STIP1: variants seen among roughly 807,000 people sequenced by gnomAD.
STIP1 encodes stress induced phosphoprotein 1.
A neutral mutation model predicts 77.4 loss-of-function variants in STIP1; 16 were observed. That is an observed-to-expected ratio of 0.21 (90% confidence interval 0.14 to 0.31). The LOEUF (loss-of-function observed/expected upper bound fraction) is 0.31, where lower values mean the gene tolerates loss of function less well. Among genes scored for constraint, STIP1 ranks in the 10% least tolerant of loss-of-function variants. The pLI is 1.00. For missense variants in STIP1, 524 were observed against 684.8 expected (o/e 0.77, Z 2.62); for synonymous variants, 258 against 246.6 (o/e 1.05, Z -0.44).
At chr11:64,195,902 A>AC in intron 5 of STIP1, 89 bp downstream of exon 5, 1 of 1,563,624 alleles carries the variant, frequency 6.4e-7, no homozygotes. Context: ...ACCTTGATTG[A>AC]CCATGATTAT....
chr11:64,197,555 G>A lies in STIP1; in HGVS notation c.862G>A (p.Val288Met). Residue 288 changes from valine (V) to methionine (M), a missense_variant, in exon 7 of 14, where the codon GTG becomes ATG. By Grantham distance (21) the Val-to-Met change is conservative. Transcript: ENST00000305218. The part of the protein sequence containing the change: ...CRELCEKAIE[V>M]GRENREDYRQ... The stretch of plus-strand genomic sequence containing the variant: ...GGAGCTTTGTGAGAAGGCCATTGAA[G>A]TGGGGAGAGAAAACCGAGAAGACTA... 6.2e-7 allele frequency: 1 copy of A among 1,614,224 alleles called. No individual in the cohort carries two copies. The highest frequency in any genetic ancestry group is 8.5e-7 in the Non-Finnish European group (1 of 1,180,030).
Position 64,197,538 on chromosome 11 carries a change from G to C in STIP1, c.845G>C (p.Cys282Ser). 1 of 1,614,222 alleles carries C rather than the reference G, an allele frequency of 6.2e-7. No homozygotes were observed. Among genetic ancestry groups the C allele is most frequent in the Non-Finnish European group, 8.5e-7 (1 of 1,180,044 alleles). Reference sequence around the variant, plus strand: ...GACTACAATAAGTGCCGGGAGCTTTGTGAGAAGGCCATTGAAGTGGGGAGA... The same window carrying C: ...GACTACAATAAGTGCCGGGAGCTTTCTGAGAAGGCCATTGAAGTGGGGAGA... The part of the protein sequence containing the change: ...KGDYNKCREL[C>S]EKAIEVGREN... Residue 282 changes from cysteine (C) to serine (S), a missense_variant, in exon 7 of 14, where the codon TGT (cysteine) becomes TCT (serine). Transcript: ENST00000305218.
intron 8 of STIP1, among the ~76,000 whole-genome samples, chr11:64,198,691 ATTCT>A (rs1189914682): frequency 7.1e-6 from 1 of 140,778 alleles, no homozygotes; most frequent in African/African-American, 2.7e-5. Flanking sequence ...ATCTTACATG[ATTCT>A]TTCTCTGTCA....
At chr11:64,197,698 C>T (rs76252766) in intron 7 of STIP1, 103 bp downstream of exon 7, 17 of 1,556,672 alleles carry the variant, frequency 1.1e-5, no homozygotes, top group Non-Finnish European at 1.4e-5. Flanking sequence ...ATAGAATCTG[C>T]TGTGTTAAGA....
At chr11:64,203,312 C>T (rs2134812718) in intron 12 of STIP1, 84 bp downstream of exon 12, 2 of 1,581,438 alleles carry the variant, frequency 1.3e-6, no homozygotes, top group East Asian at 2.2e-5. Flanking sequence ...GATTTCTTCC[C>T]TGTCACCTCC....
At chr11:64,198,435 A>T (rs1946175351) in intron 8 of STIP1, among the ~76,000 whole-genome samples, 1 of 151,102 alleles carries the variant, frequency 6.6e-6, no homozygotes. Context: ...CTGGTCTCAA[A>T]CTCCTGACCT....
intron 9 of STIP1, 40 bp downstream of exon 9, chr11:64,200,076 G>T (rs1454604872): frequency 6.2e-7 from 1 of 1,613,900 alleles, no homozygotes. Flanking sequence ...GCAGTGCTGG[G>T]TGTGCCTCCC....
chr11:64,190,823 C>T (rs1027957441), intron 1 of STIP1, among the ~76,000 whole-genome samples: 50 of 151,796 alleles, frequency 3.3e-4, no homozygotes, highest in African/African-American at 1.1e-3. Context: ...GGTGAGACAC[C>T]ATTTCTACCA....
chr11:64,198,656 C>G (rs1946177913), intron 8 of STIP1, among the ~76,000 whole-genome samples: 1 of 150,170 alleles, frequency 6.7e-6, no homozygotes, highest in Non-Finnish European at 1.5e-5. Context: ...TGAACCTGAT[C>G]TTTTTTTAGG....
chr11:64,203,882 A>AC (rs1170615234), intron 13 of STIP1, 172 bp from the exon 14 acceptor site: 1 of 844,658 alleles, frequency 1.2e-6, no homozygotes, highest in Non-Finnish European at 1.9e-6. Flanking sequence ...CAAGAGTAGG[A>AC]CTGGCAAGTT....
chr11:64,195,223 C>T (rs1193212114), intron 4 of STIP1, among the ~76,000 whole-genome samples: 1 of 152,136 alleles, frequency 6.6e-6, no homozygotes, highest in Non-Finnish European at 1.5e-5. Flanking sequence ...AAGCGATTCT[C>T]CTGCCTCAGC....
chr11:64,185,912 T>C, upstream of STIP1: 3 of 1,536,230 alleles, frequency 2.0e-6, no homozygotes, highest in Non-Finnish European at 2.6e-6. Flanking sequence ...CGATTGGCAG[T>C]GCAAAAGACC....
At chr11:64,186,105 G>C (rs959770875), upstream of STIP1, 2 of 1,550,490 alleles carry the variant, frequency 1.3e-6, no homozygotes, top group Non-Finnish European at 1.7e-6. Flanking sequence ...GAGCAGCACA[G>C]ACATTCCCCC....
chr11:64,204,360 C>T lies in STIP1; in HGVS notation c.*234C>T. Reference sequence around the variant, plus strand: ...TCACCGCTGCCCTCGAGTTCCATGTCTCTTTCCCCTGCCCCTAGTTGCTGT... The same window carrying T: ...TCACCGCTGCCCTCGAGTTCCATGTTTCTTTCCCCTGCCCCTAGTTGCTGT... On this transcript the variant is annotated 3_prime_UTR_variant, in exon 14 of 14. Transcript: ENST00000305218. The T allele has an allele frequency of 2.0e-6, 1 of 508,304 alleles. No homozygotes were observed. Among genetic ancestry groups the T allele is most frequent in the Non-Finnish European group, 3.4e-6 (1 of 290,666 alleles). The allele number at this position is 508,304 out of a possible 1,614,324, so 31.5% of individuals were successfully genotyped here.
At position 64,186,254 on chromosome 11, in the gene STIP1, G is replaced by A. The variant is rs778563791; in HGVS notation, c.-8G>A. ...TCGATTCAACGGGGTTCCGGACCGC[G>A]CTGCGCTATGGAGCAGGTGAAGGGG... On this transcript the variant is annotated 5_prime_UTR_variant, in exon 1 of 14. Transcript: ENST00000305218. 2 of 1,549,864 alleles carry A rather than the reference G, an allele frequency of 1.3e-6. No homozygotes were observed. The highest frequency in any genetic ancestry group is 1.7e-6 in the Non-Finnish European group (2 of 1,146,834).
chr11:64,194,873 C>T (rs958972582), intron 4 of STIP1, among the ~76,000 whole-genome samples: 1 of 152,126 alleles, frequency 6.6e-6, no homozygotes, highest in African/African-American at 2.4e-5. Context: ...TCTGATCTAG[C>T]GTCAACCCCA....
At position 64,204,143 on chromosome 11, in the gene STIP1, C is replaced by G. The variant is rs777388742; in HGVS notation, c.*17C>G. ...ATTCGGTGATGACTTGTTCATCCCC[C>G]CTTCCCTTCGCCCTCATGTGGAAAG... On this transcript the variant is annotated 3_prime_UTR_variant, in exon 14 of 14. Transcript: ENST00000305218. 8 of 1,613,698 alleles carry G rather than the reference C, an allele frequency of 5.0e-6. No individual in the cohort carries two copies. In the African/African-American group the frequency reaches 6.7e-5, roughly 13 times the overall value.
At chr11:64,185,996 C>G (rs997332267), upstream of STIP1, 22 of 1,542,602 alleles carry the variant, frequency 1.4e-5, no homozygotes, top group Non-Finnish European at 1.9e-5. Flanking sequence ...GAGGAGCGCC[C>G]AATCCTGAGG....
chr11:64,195,664 A>C lies in STIP1; in HGVS notation c.523A>C (p.Ile175Leu), dbSNP rs1159616982. The C allele has an allele frequency of 1.2e-6, 2 of 1,612,172 alleles. No individual in the cohort carries two copies. Among genetic ancestry groups the C allele is most frequent in the African/African-American group, 1.3e-5 (1 of 74,826 alleles). Residue 175 changes from isoleucine (I) to leucine (L), a missense_variant, in exon 5 of 14, where the codon ATC becomes CTC. Physicochemically the swap from Ile to Leu is conservative, Grantham distance 5. Coordinates refer to ENST00000305218, the MANE Select transcript of STIP1 (RefSeq NM_006819.3). The part of the protein sequence containing the change: ...DLGTKLQDPR[I>L]MTTLSVLLGV... ...TACTAGGAAACTACAAGATCCCCGG[A>C]TCATGACCACTCTCAGCGTCCTCCT...
Sources: gnomAD v4.1 joint callset for allele counts (sites outside exome capture counted in the v4.1 genomes callset) on GRCh38, gnomAD v4.1.1 for gene constraint, MANE v1.5 for transcripts, NCBI Gene and HGNC (gene_info 2026-07-23, HGNC 2026-07-21) for gene names.